The following PCDH15 variants were observed in gnomAD, a reference collection of about 807,000 sequenced individuals.
The protein encoded by PCDH15 is protocadherin related 15, also known as protocadherin-15.
Under a neutral mutation model 178.5 loss-of-function variants are expected in PCDH15, and 129 were observed. The ratio of observed to expected loss-of-function variants is 0.72; its 90% confidence interval spans 0.63 to 0.84. The LOEUF (loss-of-function observed/expected upper bound fraction) is 0.84. PCDH15 is among the 40% of genes least tolerant of loss of function. The pLI, the probability that PCDH15 is intolerant of heterozygous loss-of-function variation, is 0.00. For missense variants in PCDH15, 2,230 were observed against 2,099.9 expected (o/e 1.06, Z -1.21); for synonymous variants, 800 against 732.0 (o/e 1.09, Z -1.50).
chr10:54,144,742 T>C (rs1214489114), intron 14 of PCDH15, among the ~76,000 whole-genome samples: 5 of 152,132 alleles, frequency 3.3e-5, no homozygotes. Flanking sequence ...AATCTTATAA[T>C]TGAAAAAGAT....
At chr10:54,193,135 A>T (rs2049202271) in intron 11 of PCDH15, among the ~76,000 whole-genome samples, 1 of 152,214 alleles carries the variant, frequency 6.6e-6, no homozygotes, top group Non-Finnish European at 1.5e-5. Context: ...TGTTTCTCAA[A>T]GGTTTTAGAC....
chr10:54,211,765 G>A (rs2051466037), intron 10 of PCDH15, among the ~76,000 whole-genome samples: 1 of 151,876 alleles, frequency 6.6e-6, no homozygotes, highest in African/African-American at 2.4e-5. Flanking sequence ...AGAGAGAGAA[G>A]AAATTGAAAG....
At chr10:54,548,356 G>T (rs2086122098) in intron 2 of PCDH15, among the ~76,000 whole-genome samples, 1 of 147,858 alleles carries the variant, frequency 6.8e-6, no homozygotes, top group Admixed American at 6.8e-5. Flanking sequence ...ATCCATATAT[G>T]TGAAATTATC....
At chr10:54,488,481 A>G (rs925463567) in intron 3 of PCDH15, among the ~76,000 whole-genome samples, 1 of 151,916 alleles carries the variant, frequency 6.6e-6, no homozygotes, top group Non-Finnish European at 1.5e-5. Context: ...GCCGTCAGAT[A>G]TCATACTATA....
intron 3 of PCDH15, among the ~76,000 whole-genome samples, chr10:54,851,415 G>A (rs1953619373): frequency 6.6e-6 from 1 of 152,040 alleles, no homozygotes; most frequent in South Asian, 2.1e-4. Flanking sequence ...TGGTGTTTGA[G>A]ATATTGACAA....
chr10:55,437,436 A>G (rs10047386), intron 2 of PCDH15, among the ~76,000 whole-genome samples: 117,026 of 152,152 alleles, frequency 0.77, 46,304 homozygotes, highest in East Asian at 1. Context: ...GAAGCTAAAA[A>G]GAAAGGGCTT....
chr10:53,944,591 T>G (rs2086370711), intron 23 of PCDH15, among the ~76,000 whole-genome samples: 1 of 152,186 alleles, frequency 6.6e-6, no homozygotes, highest in African/African-American at 2.4e-5. Flanking sequence ...TAATTGTGAG[T>G]GTCTGAAATG....
At chr10:54,122,754 C>T (rs1055098881) in intron 15 of PCDH15, among the ~76,000 whole-genome samples, 4 of 151,830 alleles carry the variant, frequency 2.6e-5, no homozygotes, top group East Asian at 1.9e-4. Context: ...ACACCAATAA[C>T]TAAGAGCCAA....
chr10:55,518,895 C>T (rs1841084996), intron 2 of PCDH15, among the ~76,000 whole-genome samples: 1 of 151,840 alleles, frequency 6.6e-6, no homozygotes, highest in Non-Finnish European at 1.5e-5. Context: ...GAGTTTGAGA[C>T]CAGCCTGGCC....
chr10:55,570,103 G>A (rs1374997859), intron 2 of PCDH15, among the ~76,000 whole-genome samples: 1 of 151,794 alleles, frequency 6.6e-6, no homozygotes, highest in Non-Finnish European at 1.5e-5. Context: ...ACAGTTAGTT[G>A]AATTGTTTAC....
At chr10:54,162,204 GCACCT>G (rs58760978) in intron 13 of PCDH15, among the ~76,000 whole-genome samples, 45,010 of 151,576 alleles carry the variant, frequency 0.3, 6,978 homozygotes, top group African/African-American at 0.37. Context: ...GCCTTCTTAT[GCACCT>G]CACAAAGTTT....
chr10:54,540,025 G>A (rs1166511090), intron 2 of PCDH15, among the ~76,000 whole-genome samples: 1 of 152,112 alleles, frequency 6.6e-6, no homozygotes, highest in Non-Finnish European at 1.5e-5. Context: ...AGTGTATGGT[G>A]CTAAATGCCT....
chr10:55,474,252 G>A (rs894735473), intron 2 of PCDH15, among the ~76,000 whole-genome samples: 16 of 152,298 alleles, frequency 1.1e-4, no homozygotes, highest in Middle Eastern at 3.4e-3. Context: ...GGTATTTCAG[G>A]AGGTCAGAGA....
At chr10:55,464,985 T>C (rs1839802314) in intron 2 of PCDH15, among the ~76,000 whole-genome samples, 2 of 151,570 alleles carry the variant, frequency 1.3e-5, no homozygotes, top group South Asian at 4.2e-4. Context: ...GAAAGGTCTG[T>C]TCCTTTAAAC....
intron 1 of PCDH15, among the ~76,000 whole-genome samples, chr10:55,182,610 C>G (rs963082026): frequency 6.6e-6 from 1 of 151,910 alleles, no homozygotes; most frequent in Non-Finnish European, 1.5e-5. Context: ...ATGCAAATTA[C>G]CTAGACCAGT....
chr10:53,853,662 A>G (rs949856209), intron 28 of PCDH15, among the ~76,000 whole-genome samples: 6 of 152,112 alleles, frequency 3.9e-5, no homozygotes, highest in Non-Finnish European at 5.9e-5. Context: ...ATAGCACCTG[A>G]AAAGATGCTC....
chr10:54,519,075 G>A (rs186463332), intron 3 of PCDH15, among the ~76,000 whole-genome samples: 40 of 152,164 alleles, frequency 2.6e-4, no homozygotes, highest in African/African-American at 5.8e-4. Flanking sequence ...AATAATAAGC[G>A]CTATCTATGA....
chr10:55,385,114 G>T (rs1300933686), intron 2 of PCDH15, among the ~76,000 whole-genome samples: 1 of 152,058 alleles, frequency 6.6e-6, no homozygotes, highest in East Asian at 1.9e-4. Flanking sequence ...GGGAGTCAAA[G>T]AATTACATGA....
chr10:54,653,722 A>G (rs1565860513), intron 2 of PCDH15, among the ~76,000 whole-genome samples: 1 of 152,184 alleles, frequency 6.6e-6, no homozygotes, highest in African/African-American at 2.4e-5. Flanking sequence ...ACTCAGTGTT[A>G]TTCAAATTTT....
Sources: allele counts gnomAD v4.1 joint callset (sites outside exome capture counted in the v4.1 genomes callset), GRCh38; gene constraint gnomAD v4.1.1; transcripts MANE v1.5; gene names NCBI Gene and HGNC (gene_info 2026-07-23, HGNC 2026-07-21).